DYM: variants seen among roughly 807,000 people sequenced by gnomAD.
DYM encodes the protein dymeclin.
DYM carries 78 observed loss-of-function variants against 93.1 expected under a neutral mutation model. The ratio of observed to expected loss-of-function variants is 0.84; its 90% CI spans 0.70 to 1.01. The LOEUF is 1.01. DYM is among the 50% of genes least tolerant of loss of function. The pLI, the probability that DYM is intolerant of heterozygous loss-of-function variation, is 0.00. For synonymous variants in DYM, 321 were observed against 319.7 expected, an observed-to-expected ratio of 1.00 and a Z score of -0.04; for missense variants, 789 against 845.0, an observed-to-expected ratio of 0.93 and a Z score of 0.82.
chr18:49,307,626 G>A (rs891842048), intron 8 of DYM, among the ~76,000 whole-genome samples: 5 of 152,098 alleles, frequency 3.3e-5, no homozygotes, highest in African/African-American at 1.2e-4. Flanking sequence ...AGTGCCCCAA[G>A]AATACTCCTT....
intron 8 of DYM, among the ~76,000 whole-genome samples, chr18:49,311,426 A>G (rs1424914414): frequency 1.3e-5 from 2 of 152,216 alleles, no homozygotes; most frequent in East Asian, 3.8e-4. Context: ...AATTCACATA[A>G]AAGATGTTTA....
chr18:49,335,024 T>C (rs2063559936), intron 6 of DYM, among the ~76,000 whole-genome samples: 1 of 152,066 alleles, frequency 6.6e-6, no homozygotes, highest in African/African-American at 2.4e-5. Flanking sequence ...GGAGAATGGC[T>C]TGAACCTGGG....
chr18:49,086,480 G>A (rs1011634736), intron 17 of DYM, among the ~76,000 whole-genome samples: 1 of 152,134 alleles, frequency 6.6e-6, no homozygotes, highest in Non-Finnish European at 1.5e-5. Flanking sequence ...CTCTCAATAC[G>A]GCTGCACTGG....
intron 17 of DYM, among the ~76,000 whole-genome samples, chr18:49,075,119 G>A (rs1001335545): frequency 6.6e-5 from 10 of 152,132 alleles, no homozygotes; most frequent in Non-Finnish European, 1.5e-4. Context: ...GAACAGAGAC[G>A]AACAGCATAG....
chr18:49,230,470 C>CA (rs755337114), intron 13 of DYM, among the ~76,000 whole-genome samples: 4 of 152,150 alleles, frequency 2.6e-5, no homozygotes, highest in Non-Finnish European at 5.9e-5. Context: ...TACTATCAGA[C>CA]ATCTGGGAAC....
chr18:49,050,080 CTTTTTTTTTTTT>C (rs555098372), intron 17 of DYM, among the ~76,000 whole-genome samples: 1,398 of 106,932 alleles, frequency 0.013, 41 homozygotes, highest in South Asian at 0.1. Context: ...AGGTAACTTC[CTTTTTTTTTTTT>C]TTTTTTTTTT....
At chr18:49,312,647 C>A (rs2061670729) in intron 8 of DYM, among the ~76,000 whole-genome samples, 1 of 152,146 alleles carries the variant, frequency 6.6e-6, no homozygotes, top group Admixed American at 6.5e-5. Context: ...TGCATATCCT[C>A]ATTCTTCTTG....
chr18:49,447,751 T>C (rs1166185456), intron 1 of DYM, among the ~76,000 whole-genome samples: 1 of 152,222 alleles, frequency 6.6e-6, no homozygotes, highest in Non-Finnish European at 1.5e-5. Context: ...GTCATATCTC[T>C]TATCCTCTCT....
intron 14 of DYM, among the ~76,000 whole-genome samples, chr18:49,184,150 T>A (rs1185647745): frequency 1.3e-5 from 2 of 152,114 alleles, no homozygotes; most frequent in Non-Finnish European, 2.9e-5. Context: ...AGGCAGTTCC[T>A]CTCTTCCCAC....
chr18:49,255,070 TAAATA>T (rs1387053349), intron 13 of DYM, among the ~76,000 whole-genome samples: 1 of 152,090 alleles, frequency 6.6e-6, no homozygotes, highest in Non-Finnish European at 1.5e-5. Context: ...AGACATAAAT[TAAATA>T]GTGAGTCAAT....
At chr18:49,080,379 C>T (rs1183206693) in intron 17 of DYM, among the ~76,000 whole-genome samples, 8 of 125,172 alleles carry the variant, frequency 6.4e-5, no homozygotes, top group Non-Finnish European at 1.0e-4. Context: ...GCTGGCCGGG[C>T]GAGGGGCTGA....
chr18:49,102,741 G>T (rs1305793146), intron 16 of DYM, among the ~76,000 whole-genome samples: 6 of 152,252 alleles, frequency 3.9e-5, no homozygotes, highest in Admixed American at 6.5e-5. Context: ...CAAAGGACAT[G>T]AACTCATCCT....
chr18:49,236,076 T>C (rs1338170137), intron 13 of DYM, among the ~76,000 whole-genome samples: 1 of 152,204 alleles, frequency 6.6e-6, no homozygotes, highest in South Asian at 2.1e-4. Context: ...AGGTGTCACT[T>C]TGGATAACTT....
intron 1 of DYM, among the ~76,000 whole-genome samples, chr18:49,447,627 C>A (rs1366236041): frequency 6.6e-6 from 1 of 151,988 alleles, no homozygotes; most frequent in Non-Finnish European, 1.5e-5. Context: ...CCGGCGCTAC[C>A]CCCTGGTGTT....
intron 13 of DYM, among the ~76,000 whole-genome samples, chr18:49,243,075 C>A (rs1008776454): frequency 6.6e-6 from 1 of 152,152 alleles, no homozygotes; most frequent in Non-Finnish European, 1.5e-5. Flanking sequence ...TGCCTCCTCG[C>A]TACTTTAAAA....
At chr18:49,391,437 A>AC in intron 3 of DYM, 156 bp downstream of exon 3, 1 of 723,304 alleles carries the variant, frequency 1.4e-6, no homozygotes, top group Non-Finnish European at 2.4e-6. Context: ...ACTGAAGGGT[A>AC]CCTTCTAGCA....
At chr18:49,243,512 A>G (rs2094085197) in intron 13 of DYM, among the ~76,000 whole-genome samples, 1 of 151,944 alleles carries the variant, frequency 6.6e-6, no homozygotes, top group African/African-American at 2.4e-5. Flanking sequence ...TAAAAATGCA[A>G]AAGTTATCAA....
At chr18:49,054,799 A>G (rs2075330104) in intron 17 of DYM, among the ~76,000 whole-genome samples, 1 of 152,182 alleles carries the variant, frequency 6.6e-6, no homozygotes. Context: ...AAATGGTTTC[A>G]CCACTGTGGA....
intron 16 of DYM, among the ~76,000 whole-genome samples, chr18:49,103,987 C>A (rs994454798): frequency 7.6e-4 from 116 of 152,182 alleles, no homozygotes; most frequent in African/African-American, 2.1e-3. Context: ...CATTGAATCT[C>A]TAAATTACCT....
Sources: allele counts gnomAD v4.1 joint callset (sites outside exome capture counted in the v4.1 genomes callset), GRCh38; gene constraint gnomAD v4.1.1; transcripts MANE v1.5; gene names NCBI Gene and HGNC (gene_info 2026-07-23, HGNC 2026-07-21).